The following CFAP99 variants were observed in gnomAD, a reference collection of about 807,000 sequenced individuals.
CFAP99 encodes the protein cilia and flagella associated protein 99, also known as cilia- and flagella-associated protein 99.
Under a neutral mutation model 82.7 loss-of-function variants are expected in CFAP99, and 84 were observed. That is an observed-to-expected ratio of 1.02 (90% CI 0.85 to 1.22). CFAP99 has a LOEUF of 1.22. Ranked by LOEUF, CFAP99 falls within the 50% of genes most tolerant of loss-of-function variation. The probability of loss-of-function intolerance (pLI) is 0.00; values close to 1 mark genes in which losing one functional copy is unlikely to be tolerated. For synonymous variants in CFAP99, 456 were observed against 429.5 expected, an observed-to-expected ratio of 1.06 and a Z score of -0.76; for missense variants, 1,059 against 983.5, an observed-to-expected ratio of 1.08 and a Z score of -1.03.
At chr4:2,442,740 G>A (rs750643415) in intron 4 of CFAP99, among the ~76,000 whole-genome samples, 6 of 152,158 alleles carry the variant, frequency 3.9e-5, no homozygotes, top group Admixed American at 6.5e-5. Flanking sequence ...CCCTCCCCAC[G>A]GCAGCCCACC....
At chr4:2,444,771 C>T (rs935244694) in intron 5 of CFAP99, among the ~76,000 whole-genome samples, 2 of 152,206 alleles carry the variant, frequency 1.3e-5, no homozygotes, top group African/African-American at 4.8e-5. Context: ...TCCATCTGCT[C>T]CAGCCCAGAT....
chr4:2,447,853 G>A (rs1399263219), intron 6 of CFAP99, among the ~76,000 whole-genome samples: 2 of 149,238 alleles, frequency 1.3e-5, no homozygotes, highest in African/African-American at 2.5e-5. Context: ...TGGATGGATG[G>A]ATGATTAGAT....
At chr4:2,433,434 G>T (rs1203769) in intron 2 of CFAP99, among the ~76,000 whole-genome samples, 1 of 151,064 alleles carries the variant, frequency 6.6e-6, no homozygotes, top group Non-Finnish European at 1.5e-5. Context: ...GGGCGGGGGG[G>T]GGACCAGTGC....
chr4:2,426,311 GCC>G (rs58088195), intron 1 of CFAP99, 146 bp from the exon 2 acceptor site: 90,919 of 623,760 alleles, frequency 0.15, 7,316 homozygotes, highest in African/African-American at 0.24. Flanking sequence ...ACTGCTGTAG[GCC>G]CGGCACCCTA....
At position 2,462,485 on chromosome 4, in the gene CFAP99, C is replaced by A; in HGVS notation, c.1704C>A (p.Pro568=). The change falls in exon 15 of 15, where the codon CCC becomes CCA. Residue 568 remains proline (P), a synonymous_variant. Transcript: ENST00000635017. The surrounding 1 kb of genome is among the most constrained non-coding windows in gnomAD (Gnocchi z 4.1). Reference sequence around the variant, plus strand: ...CCCTTGCGGCGGCCCCGGCGGCGCCCTCGCAGGACGAGCGCGTGCAGCAGC... The same window carrying A: ...CCCTTGCGGCGGCCCCGGCGGCGCCATCGCAGGACGAGCGCGTGCAGCAGC... 6.8e-7 allele frequency: 1 copy of A among 1,474,372 alleles called. No individual in the cohort carries two copies. Among genetic ancestry groups the A allele is most frequent in the South Asian group, 1.3e-5 (1 of 77,688 alleles). 91.3% of individuals were successfully genotyped at this position (1,474,372 alleles called of 1,614,324 possible). A position where few individuals can be genotyped will look rare whatever the true frequency, so the allele number is the denominator to read the frequency against.
At position 2,455,981 on chromosome 4, in the gene CFAP99, TCTC is replaced by T. The variant is rs1734415780; in HGVS notation, c.1162-2735_1162-2733del. On this transcript the variant is annotated intron_variant, in intron 11 of 14. Coordinates refer to ENST00000635017, the Ensembl canonical transcript of CFAP99. ...AACCCGACGCATGGGCACCCTTTCA[TCTC>T]CTCCTCTGAACTTTGGGCACTGCTC... is the stretch of plus-strand genomic sequence containing the variant. 2.6e-5 allele frequency among the ~76,000 whole-genome samples: 4 copies of T among 152,326 alleles called. No homozygotes were observed. In the South Asian group the frequency reaches 8.3e-4, roughly 32 times the overall value.
At chr4:2,449,796 G>C (rs1191496250) in intron 7 of CFAP99, 46 bp downstream of exon 7, 1 of 1,532,990 alleles carries the variant, frequency 6.5e-7, no homozygotes, top group African/African-American at 1.4e-5. Context: ...CCATATGAGG[G>C]ATGTGTGAAG....
intron 2 of CFAP99, among the ~76,000 whole-genome samples, chr4:2,430,966 G>C (rs992969517): frequency 1.3e-5 from 2 of 152,082 alleles, no homozygotes; most frequent in African/African-American, 4.8e-5. Context: ...CCAGCTACTC[G>C]GGGGCTAAGG....
At position 2,443,229 on chromosome 4, in the gene CFAP99, G is replaced by A. The variant is rs746378921; in HGVS notation, c.451G>A (p.Asp151Asn). 4.8e-5 allele frequency: 74 copies of A among 1,534,700 alleles called. No individual in the cohort carries two copies. In the East Asian group the frequency reaches 1.1e-3, roughly 22 times the overall value. ...AGCCCACGTGAAGGAGAACTGGATCGACCCCCTGATGAGGTAGGCTGGATG... is the reference window on the plus strand; with the variant it reads ...AGCCCACGTGAAGGAGAACTGGATCAACCCCCTGATGAGGTAGGCTGGATG... The change falls in exon 5 of 15, where the codon GAC (aspartate) becomes AAC (asparagine). Residue 151 changes from aspartate (D) to asparagine (N), a missense_variant. Asp to Asn is a conservative substitution (Grantham distance 23). Coordinates refer to ENST00000635017, the Ensembl canonical transcript of CFAP99.
At chr4:2,423,007 G>A (rs58686111) in intron 1 of CFAP99, among the ~76,000 whole-genome samples, 6,741 of 152,210 alleles carry the variant, frequency 0.044, 520 homozygotes, top group African/African-American at 0.15. Flanking sequence ...CCCCAGTTAC[G>A]CTGTGGAGTT....
Position 2,446,787 on chromosome 4 carries a change from C to T in CFAP99, c.642+1479C>T, listed in dbSNP as rs996450169. On this transcript the variant is annotated intron_variant, in intron 6 of 14. Coordinates refer to ENST00000635017, the Ensembl canonical transcript of CFAP99. The surrounding 1 kb of genome is among the most constrained non-coding windows in gnomAD (Gnocchi z 5.0). ...ATGGATGGATGGGTGGATGGATTAT[C>T]AGATGGATGGTAGATGGATGGGTGG... Among the ~76,000 whole-genome samples, 1 of 150,708 alleles carries T rather than the reference C, an allele frequency of 6.6e-6. No homozygotes were observed. Among genetic ancestry groups the T allele is most frequent in the Non-Finnish European group, 1.5e-5 (1 of 67,742 alleles).
chr4:2,443,933 C>G (rs1255215473), intron 5 of CFAP99, among the ~76,000 whole-genome samples: 5 of 152,076 alleles, frequency 3.3e-5, no homozygotes, highest in Non-Finnish European at 7.4e-5. Flanking sequence ...CAGTTTTTTC[C>G]CTTCTGATAG....
chr4:2,456,887 C>G (rs568773626), intron 11 of CFAP99, among the ~76,000 whole-genome samples: 8 of 151,774 alleles, frequency 5.3e-5, no homozygotes, highest in Non-Finnish European at 8.8e-5. Flanking sequence ...TGTCAACACT[C>G]AACTCCTGGG....
At chr4:2,436,443 A>G (rs771811694) in intron 2 of CFAP99, among the ~76,000 whole-genome samples, 6 of 152,206 alleles carry the variant, frequency 3.9e-5, no homozygotes, top group Non-Finnish European at 7.3e-5. Context: ...GGTTAGGCAC[A>G]TTCCCGCTGT....
intron 2 of CFAP99, among the ~76,000 whole-genome samples, chr4:2,434,515 A>G (rs577706673): frequency 4.1e-4 from 62 of 152,304 alleles, no homozygotes; most frequent in South Asian, 1.0e-3. Context: ...AGAGAAAGGG[A>G]TTTAAATTTA....
At chr4:2,449,811 G>A (rs1243427391) in intron 7 of CFAP99, 61 bp downstream of exon 7, 2 of 1,531,340 alleles carry the variant, frequency 1.3e-6, no homozygotes, top group African/African-American at 2.7e-5. Context: ...GTGAAGGGAA[G>A]GTGGGGTGGG....
intron 9 of CFAP99, 114 bp from the exon 10 acceptor site, chr4:2,451,149 GA>G: frequency 6.9e-7 from 1 of 1,452,004 alleles, no homozygotes; most frequent in East Asian, 2.5e-5. Context: ...CACCCTGGGG[GA>G]TAGGGAAGCA....
chr4:2,428,298 G>A, intron 2 of CFAP99: 1 of 152,614 alleles, frequency 6.6e-6, no homozygotes, highest in Non-Finnish European at 1.5e-5. Context: ...GCCAGCCCAA[G>A]AGCAGCTCCA....
intron 4 of CFAP99, among the ~76,000 whole-genome samples, chr4:2,440,631 C>G (rs543796210): frequency 6.6e-6 from 1 of 151,740 alleles, no homozygotes; most frequent in East Asian, 2.0e-4. Flanking sequence ...CTCACTCTGT[C>G]CCCCAGGCTG....
Sources: allele counts gnomAD v4.1 joint callset (sites outside exome capture counted in the v4.1 genomes callset), GRCh38; gene constraint gnomAD v4.1.1; non-coding constraint Gnocchi (gnomAD v3.1); transcripts MANE v1.5; gene names NCBI Gene and HGNC (gene_info 2026-07-23, HGNC 2026-07-21).